Variants in ENOX1 observed in about 807,000 individuals in gnomAD.
ENOX1 encodes the protein candidate growth-related and time keeping constitutive hydroquinone (NADH) oxidase.
In ENOX1, 42 loss-of-function variants were observed where a neutral mutation model predicts 82.5. The observed-to-expected ratio is 0.51, with a 90% CI of 0.40 to 0.66. The LOEUF is 0.66. Ranked by LOEUF, ENOX1 falls within the 30% of genes least tolerant of loss-of-function variation. ENOX1 has a pLI of 0.00. For synonymous variants in ENOX1, 271 were observed against 282.2 expected (o/e 0.96, Z 0.40); for missense variants, 608 against 811.6 (o/e 0.75, Z 3.05).
intron 1 of ENOX1, among the ~76,000 whole-genome samples, chr13:43,763,099 C>T (rs1388575502): frequency 1.3e-5 from 2 of 152,068 alleles, no homozygotes; most frequent in South Asian, 2.1e-4. Context: ...ACTTTTCATC[C>T]GAGGGAAGTT....
rs531984834 is a variant in ENOX1 at position 43,585,280 on chromosome 13, G to T, written c.-219+82199C>A. 3.5e-4 allele frequency among the ~76,000 whole-genome samples: 53 copies of T among 152,318 alleles called. No homozygotes were observed. In the South Asian group the frequency reaches 0.011, roughly 31 times the overall value. Reference sequence around the variant, plus strand: ...GCTAGAAGAGGAAAGAAAAGGTTCTGCCCTAGAAGATTGGGAGGCAGGGCA... The same window carrying T: ...GCTAGAAGAGGAAAGAAAAGGTTCTTCCCTAGAAGATTGGGAGGCAGGGCA... On this transcript the variant is annotated intron_variant, in intron 2 of 16. Transcript: ENST00000690772.
chr13:43,272,950 A>G (rs1020582921), intron 12 of ENOX1, among the ~76,000 whole-genome samples: 2 of 152,158 alleles, frequency 1.3e-5, no homozygotes, highest in African/African-American at 2.4e-5. Context: ...GCTAATTGCC[A>G]GCTAGTATTC....
At chr13:43,285,810 CAAAAAAAAAAAAAA>C (rs11417324) in intron 12 of ENOX1, among the ~76,000 whole-genome samples, 47 of 67,454 alleles carry the variant, frequency 7.0e-4, no homozygotes, top group Middle Eastern at 0.017. Context: ...GACTCTGTCT[CAAAAAAAAAAAAAA>C]AAAAAAAAGA....
At chr13:43,743,594 C>G (rs914374629) in intron 1 of ENOX1, among the ~76,000 whole-genome samples, 1 of 152,156 alleles carries the variant, frequency 6.6e-6, no homozygotes, top group Non-Finnish European at 1.5e-5. Flanking sequence ...TCCTAAAGCT[C>G]TAGTGTCCTT....
intron 1 of ENOX1, among the ~76,000 whole-genome samples, chr13:43,680,472 G>GA: frequency 6.6e-6 from 1 of 152,114 alleles, no homozygotes; most frequent in East Asian, 1.9e-4. Context: ...GATAAAAAAT[G>GA]AAAAAATACA....
intron 14 of ENOX1, among the ~76,000 whole-genome samples, chr13:43,241,436 T>C (rs1339440499): frequency 6.6e-6 from 1 of 152,176 alleles, no homozygotes; most frequent in Non-Finnish European, 1.5e-5. Flanking sequence ...GGTTACTATG[T>C]ATGAATTGTT....
chr13:43,743,564 C>A (rs1949867381), intron 1 of ENOX1, among the ~76,000 whole-genome samples: 1 of 152,158 alleles, frequency 6.6e-6, no homozygotes, highest in Non-Finnish European at 1.5e-5. Context: ...ATAGCTCATA[C>A]CACTGAACTG....
At chr13:43,633,191 A>G (rs946022765) in intron 2 of ENOX1, among the ~76,000 whole-genome samples, 1 of 152,214 alleles carries the variant, frequency 6.6e-6, no homozygotes, top group Non-Finnish European at 1.5e-5. Flanking sequence ...TAACCATGGA[A>G]TTATAAATTA....
intron 2 of ENOX1, among the ~76,000 whole-genome samples, chr13:43,537,559 T>C (rs2078517449): frequency 1.3e-5 from 2 of 152,246 alleles, no homozygotes; most frequent in African/African-American, 4.8e-5. Context: ...GAAGTAATGA[T>C]GACTGCGATA....
chr13:43,272,118 T>A (rs749660421), intron 12 of ENOX1, among the ~76,000 whole-genome samples: 1 of 152,186 alleles, frequency 6.6e-6, no homozygotes, highest in African/African-American at 2.4e-5. Flanking sequence ...TATTATACTT[T>A]AAGTTCTGGG....
At chr13:43,273,727 C>T (rs970551084) in intron 12 of ENOX1, among the ~76,000 whole-genome samples, 3 of 152,182 alleles carry the variant, frequency 2.0e-5, no homozygotes, top group Admixed American at 6.5e-5. Flanking sequence ...ACCTACACTA[C>T]GAAATGCGGT....
intron 11 of ENOX1, among the ~76,000 whole-genome samples, chr13:43,304,114 G>A (rs2046733496): frequency 6.6e-6 from 1 of 152,182 alleles, no homozygotes; most frequent in South Asian, 2.1e-4. Flanking sequence ...GGTCCCATGA[G>A]CTCAGCTTGC....
intron 12 of ENOX1, among the ~76,000 whole-genome samples, chr13:43,278,766 TCTAA>T (rs1457099140): frequency 3.9e-5 from 6 of 152,184 alleles, no homozygotes; most frequent in African/African-American, 9.7e-5. Context: ...GAATCAAAGT[TCTAA>T]CTGTTAGGTA....
At chr13:43,545,728 G>C (rs1406570473) in intron 2 of ENOX1, 1 of 152,256 alleles carries the variant, frequency 6.6e-6, no homozygotes, top group Admixed American at 6.5e-5. Context: ...GTGTAACAGT[G>C]TGCATGTTCC....
intron 16 of ENOX1, among the ~76,000 whole-genome samples, chr13:43,218,056 C>T (rs563450624): frequency 8.5e-5 from 13 of 152,220 alleles, no homozygotes; most frequent in Admixed American, 6.5e-4. Context: ...AACTTAGGCA[C>T]AGAGATGTTA....
At chr13:43,777,773 C>T (rs1952008998) in intron 1 of ENOX1, among the ~76,000 whole-genome samples, 1 of 151,950 alleles carries the variant, frequency 6.6e-6, no homozygotes, top group African/African-American at 2.4e-5. Flanking sequence ...TGGTCTCGAA[C>T]TCCTGACCTC....
chr13:43,672,394 C>T (rs1473162689), intron 1 of ENOX1, among the ~76,000 whole-genome samples: 2 of 152,184 alleles, frequency 1.3e-5, no homozygotes, highest in Non-Finnish European at 2.9e-5. Context: ...AATCCTATTT[C>T]TCCACAACTA....
At chr13:43,426,964 A>G (rs1452011013) in intron 3 of ENOX1, among the ~76,000 whole-genome samples, 2 of 152,182 alleles carry the variant, frequency 1.3e-5, no homozygotes, top group Non-Finnish European at 2.9e-5. Context: ...CTTCATTCAA[A>G]TGCACTCCCC....
At chr13:43,469,242 T>C in intron 3 of ENOX1, among the ~76,000 whole-genome samples, 1 of 152,156 alleles carries the variant, frequency 6.6e-6, no homozygotes, top group East Asian at 1.9e-4. Context: ...TCTTTTATTC[T>C]ATTAATATGG....
Sources: allele counts gnomAD v4.1 joint callset (sites outside exome capture counted in the v4.1 genomes callset), GRCh38; gene constraint gnomAD v4.1.1; transcripts MANE v1.5; gene names NCBI Gene and HGNC (gene_info 2026-07-23, HGNC 2026-07-21).